The following PHLDB2 variants were observed in gnomAD, a reference collection of about 807,000 sequenced individuals.
PHLDB2 encodes pleckstrin homology-like domain family B member 2.
Under a neutral mutation model 123.6 loss-of-function variants are expected in PHLDB2, and 71 were observed. The observed-to-expected ratio is 0.57, with a 90% CI of 0.47 to 0.70. PHLDB2 has a LOEUF of 0.70. PHLDB2 is among the 30% of genes least tolerant of loss of function. The pLI, the probability that PHLDB2 is intolerant of heterozygous loss-of-function variation, is 0.00. For synonymous variants in PHLDB2, 547 were observed against 541.6 expected, an observed-to-expected ratio of 1.01 and a Z score of -0.14; for missense variants, 1,446 against 1,519.5, an observed-to-expected ratio of 0.95 and a Z score of 0.80.
At chr3:111,865,030 T>C (rs1016499342) in intron 1 of PHLDB2, among the ~76,000 whole-genome samples, 14 of 152,214 alleles carry the variant, frequency 9.2e-5, no homozygotes, top group African/African-American at 3.4e-4. Context: ...TTGACCACCC[T>C]ACTGCTAAAA....
chr3:111,857,492 G>A (rs1473877547), upstream of PHLDB2, among the ~76,000 whole-genome samples: 1 of 149,012 alleles, frequency 6.7e-6, no homozygotes, highest in Non-Finnish European at 1.5e-5. Flanking sequence ...AAATTCCAAG[G>A]TAATGGAAAT....
intron 1 of PHLDB2, among the ~76,000 whole-genome samples, chr3:111,775,748 C>T (rs184476759): frequency 5.3e-4 from 81 of 152,158 alleles, no homozygotes; most frequent in Admixed American, 2.2e-3. Flanking sequence ...TTTAGATATG[C>T]GTTCCCCTAG....
chr3:111,800,207 A>G (rs1196488286), intron 1 of PHLDB2, among the ~76,000 whole-genome samples: 2 of 152,068 alleles, frequency 1.3e-5, no homozygotes, highest in Admixed American at 1.3e-4. Context: ...GGGTTTTGCC[A>G]TGTTTCCCCG....
Position 111,939,643 on chromosome 3 carries a change from G to T in PHLDB2, c.2286+13G>T. On this transcript the variant is annotated intron_variant, in intron 7 of 17. Transcript: ENST00000431670. The stretch of plus-strand genomic sequence containing the variant: ...CGTTTCTAGAAAGGTACTTTTTCCA[G>T]GTGTCATTCAATGTGAAAAATCAAA... The T allele has an allele frequency of 6.3e-7, 1 of 1,599,302 alleles. No individual in the cohort carries two copies. The highest frequency in any genetic ancestry group is 1.1e-5 in the South Asian group (1 of 88,238).
chr3:111,969,588 T>C (rs1016062700), intron 15 of PHLDB2, 102 bp from the exon 16 acceptor site: 1 of 912,452 alleles, frequency 1.1e-6, no homozygotes, highest in Admixed American at 2.5e-5. Context: ...TATAGGCATT[T>C]TAAAGCTTAG....
intron 1 of PHLDB2, among the ~76,000 whole-genome samples, chr3:111,736,058 A>T (rs527537669): frequency 4.6e-4 from 70 of 152,258 alleles, no homozygotes; most frequent in Non-Finnish European, 7.8e-4. Context: ...GATGTTCTTG[A>T]TGTTCTTGAG....
chr3:111,932,393 A>C lies in PHLDB2; in HGVS notation c.2126A>C (p.Lys709Thr). ...SMREQLQQQL[K>T]RDADLLDVES... ...AGGGAACAGTTACAACAACAACTGA[A>C]GAGGGTCAGTAGCAAACAGGAATGC... is the stretch of plus-strand genomic sequence containing the variant. Residue 709 changes from lysine (K) to threonine (T), a missense_variant, in exon 6 of 18, where the codon AAG (lysine) becomes ACG (threonine). Physicochemically the swap from Lys to Thr is moderately conservative, Grantham distance 78. Coordinates refer to ENST00000431670, the MANE Select transcript of PHLDB2 (RefSeq NM_001134438.2). 1.9e-6 allele frequency: 3 copies of C among 1,550,068 alleles called. No homozygotes were observed. In the African/African-American group the frequency reaches 4.1e-5, roughly 21 times the overall value.
chr3:111,847,478 TC>T (rs2108588833), intron 2 of PHLDB2, among the ~76,000 whole-genome samples: 1 of 152,250 alleles, frequency 6.6e-6, no homozygotes, highest in African/African-American at 2.4e-5. Flanking sequence ...TCCAATATCC[TC>T]CCATCCCATC....
At chr3:111,831,670 A>C (rs977170241) in intron 1 of PHLDB2, among the ~76,000 whole-genome samples, 8 of 152,226 alleles carry the variant, frequency 5.3e-5, no homozygotes, top group African/African-American at 1.9e-4. Context: ...GAAGAGGCAG[A>C]CAGGGATATC....
In PHLDB2 at chr3:111,974,644, A is replaced by G; in HGVS notation, c.*81A>G. The G allele has an allele frequency of 2.2e-6, 3 of 1,356,300 alleles. No individual in the cohort carries two copies. Among genetic ancestry groups the G allele is most frequent in the African/African-American group, 1.5e-5 (1 of 68,014 alleles). The allele number at this position is 1,356,300 out of a possible 1,614,324, so 84.0% of individuals were successfully genotyped here. ...GAAGCCATATTCAACCCCAGATGAG[A>G]AAACCCAACAGATCCATCCCTTGAG... On this transcript the variant is annotated 3_prime_UTR_variant, in exon 18 of 18. Coordinates refer to ENST00000431670, the MANE Select transcript of PHLDB2 (RefSeq NM_001134438.2).
chr3:111,875,337 A>G (rs1014422223), intron 1 of PHLDB2, among the ~76,000 whole-genome samples: 2 of 109,084 alleles, frequency 1.8e-5, no homozygotes, highest in African/African-American at 2.9e-5. Flanking sequence ...TTTAGTAGAG[A>G]TGGAGTTTCT....
chr3:111,844,076 G>T (rs956592663), intron 1 of PHLDB2, among the ~76,000 whole-genome samples: 2 of 152,082 alleles, frequency 1.3e-5, no homozygotes, highest in African/African-American at 2.4e-5. Flanking sequence ...GAGATAAAAA[G>T]AGCTTATTCT....
intron 6 of PHLDB2, among the ~76,000 whole-genome samples, chr3:111,938,865 G>A (rs1230372056): frequency 2.6e-4 from 40 of 151,502 alleles, no homozygotes; most frequent in Admixed American, 2.6e-3. Context: ...GCCCAGGGTG[G>A]AGTGCAATGG....
intron 1 of PHLDB2, among the ~76,000 whole-genome samples, chr3:111,786,979 C>T (rs1466108013): frequency 2.0e-5 from 3 of 150,884 alleles, no homozygotes; most frequent in Non-Finnish European, 4.4e-5. Flanking sequence ...TGTCATTCAT[C>T]AAAAAAAAAG....
intron 1 of PHLDB2, among the ~76,000 whole-genome samples, chr3:111,825,260 A>G (rs2062600250): frequency 6.6e-6 from 1 of 152,218 alleles, no homozygotes; most frequent in African/African-American, 2.4e-5. Context: ...TAACTTTGCC[A>G]GTACAATTCT....
rs1448449229 is a variant in PHLDB2, at chr3:111,966,694, C to T, written c.3159C>T (p.Leu1053=). ...KQAHAEKTRL[L]ESREREMEAK... ...CTCATGCAGAAAAGACGCGGCTGCTCGAATCCAGGGTAAGCTTCATATTTT... is the reference window on the plus strand; with the variant it reads ...CTCATGCAGAAAAGACGCGGCTGCTTGAATCCAGGGTAAGCTTCATATTTT... Residue 1053 remains leucine (L), a synonymous_variant, in exon 14 of 18, where the codon CTC becomes CTT. Coordinates refer to ENST00000431670, the MANE Select transcript of PHLDB2 (RefSeq NM_001134438.2). 9 of 1,612,294 alleles carry T rather than the reference C, an allele frequency of 5.6e-6. No homozygotes were observed. The highest frequency in any genetic ancestry group is 2.2e-5 in the South Asian group (2 of 90,774).
chr3:111,847,743 G>A (rs1179880496), intron 2 of PHLDB2, among the ~76,000 whole-genome samples: 2 of 152,062 alleles, frequency 1.3e-5, no homozygotes, highest in African/African-American at 4.8e-5. Flanking sequence ...ATCTCCCCTT[G>A]ACTTATTCCT....
intron 6 of PHLDB2, among the ~76,000 whole-genome samples, chr3:111,937,618 G>T (rs2069579998): frequency 1.3e-5 from 2 of 151,654 alleles, no homozygotes; most frequent in African/African-American, 4.8e-5. Flanking sequence ...CTACAAAAAA[G>T]TACAAAAATT....
intron 5 of PHLDB2, 112 bp downstream of exon 5, chr3:111,920,531 C>T: frequency 7.5e-7 from 1 of 1,326,276 alleles, no homozygotes; most frequent in Non-Finnish European, 1.0e-6. Flanking sequence ...GTGTCATGTT[C>T]CTGGAGGCAG....
Sources: allele counts gnomAD v4.1 joint callset (sites outside exome capture counted in the v4.1 genomes callset), GRCh38; gene constraint gnomAD v4.1.1; transcripts MANE v1.5; gene names NCBI Gene and HGNC (gene_info 2026-07-23, HGNC 2026-07-21).